The following ASTN2 variants were observed in gnomAD, a reference collection of about 807,000 sequenced individuals.
ASTN2 encodes the protein astrotactin-2.
ASTN2 carries 54 observed loss-of-function variants against 139.8 expected under a neutral mutation model. That is an observed-to-expected ratio of 0.39 (90% CI 0.31 to 0.48). The LOEUF (loss-of-function observed/expected upper bound fraction) is 0.48. Among genes scored for constraint, ASTN2 ranks in the 20% least tolerant of loss-of-function variants. The pLI is 0.95. For missense variants in ASTN2, 1,565 were observed against 1,725.1 expected, an observed-to-expected ratio of 0.91 and a Z score of 1.64; for synonymous variants, 756 against 719.5, an observed-to-expected ratio of 1.05 and a Z score of -0.81.
chr9:116,454,513 A>G lies in ASTN2; in HGVS notation c.3498-11960T>C, dbSNP rs10983166. Among the ~76,000 whole-genome samples the G allele has an allele frequency of 0.013, 1,979 of 152,284 alleles. 182 individuals are homozygous for G. The South Asian group carries it at 0.21, about 16-fold the overall frequency. ...GGTGATTCCTCAAGGATCTAGAACT[A>G]GAAATACCATTTGACCCAGCCATCC... On this transcript the variant is annotated intron_variant, in intron 20 of 22. Transcript: ENST00000313400.
intron 13 of ASTN2, among the ~76,000 whole-genome samples, chr9:116,775,522 GAAAAGA>G (rs1830059268): frequency 9.9e-6 from 1 of 100,542 alleles, no homozygotes; most frequent in African/African-American, 3.9e-5. Flanking sequence ...AGGAAGGAAG[GAAAAGA>G]AAGGGGGCAG....
rs576283385 is a variant in ASTN2, at chr9:117,408,769, C to T, written c.442+5728G>A. Among the ~76,000 whole-genome samples the T allele has an allele frequency of 2.6e-5, 4 of 152,248 alleles. No homozygotes were observed. In the East Asian group the frequency reaches 7.7e-4, roughly 29 times the overall value. ...CCACCTTGACCAAATCTAAGCCTTGCTAATGGTTGAAATGAGCTCTCCCCT... is the reference window on the plus strand; with the variant it reads ...CCACCTTGACCAAATCTAAGCCTTGTTAATGGTTGAAATGAGCTCTCCCCT... On this transcript the variant is annotated intron_variant, in intron 1 of 22. Transcript: ENST00000313400.
chr9:116,662,695 C>A (rs746515613), intron 16 of ASTN2, among the ~76,000 whole-genome samples: 2 of 152,058 alleles, frequency 1.3e-5, no homozygotes, highest in Non-Finnish European at 2.9e-5. Flanking sequence ...ATTTTTAATG[C>A]AGTTTTGCTT....
At chr9:116,573,555 T>C (rs1285514240) in intron 19 of ASTN2, among the ~76,000 whole-genome samples, 1 of 152,208 alleles carries the variant, frequency 6.6e-6, no homozygotes, top group South Asian at 2.1e-4. Context: ...AATTTACACA[T>C]GGGCAAAGCA....
chr9:116,604,844 A>C (rs1855103847), intron 19 of ASTN2, among the ~76,000 whole-genome samples: 1 of 152,130 alleles, frequency 6.6e-6, no homozygotes, highest in Admixed American at 6.5e-5. Context: ...GTGTCTTTTC[A>C]GTTGTAGATT....
At chr9:117,367,606 T>C (rs1829878230) in intron 1 of ASTN2, among the ~76,000 whole-genome samples, 1 of 152,160 alleles carries the variant, frequency 6.6e-6, no homozygotes, top group Non-Finnish European at 1.5e-5. Context: ...CTTCAGACGG[T>C]AAGCTCCTAA....
In ASTN2 at chr9:116,424,999, G is replaced by A. The variant is rs1028648070; in HGVS notation, c.*852C>T. Among the ~76,000 whole-genome samples the A allele has an allele frequency of 1.3e-5, 2 of 152,072 alleles. No homozygotes were observed. The highest frequency in any genetic ancestry group is 4.8e-5 in the African/African-American group (2 of 41,412). ...TCAGGAGCCCTCCAGTGTGTCTCAT[G>A]CTCTAACAGTGAGTGCAAAGAACCT... On this transcript the variant is annotated 3_prime_UTR_variant, in exon 23 of 23. Coordinates refer to ENST00000313400, the MANE Select transcript of ASTN2 (RefSeq NM_001365068.1).
At chr9:116,992,914 C>T (rs1482751192) in intron 7 of ASTN2, among the ~76,000 whole-genome samples, 1 of 152,166 alleles carries the variant, frequency 6.6e-6, no homozygotes, top group Admixed American at 6.5e-5. Context: ...CTGAATGCTT[C>T]TTTCTGCCTT....
chr9:116,840,017 C>A (rs997505677), intron 11 of ASTN2, among the ~76,000 whole-genome samples: 6 of 147,826 alleles, frequency 4.1e-5, no homozygotes, highest in African/African-American at 1.5e-4. Context: ...GGCAGAGGAC[C>A]CTGCAGCCTT....
intron 2 of ASTN2, among the ~76,000 whole-genome samples, chr9:117,250,980 G>A (rs1292139204): frequency 2.0e-5 from 3 of 152,220 alleles, no homozygotes; most frequent in African/African-American, 7.2e-5. Flanking sequence ...AAGGCTGCAA[G>A]TAGTTCAGAA....
chr9:116,792,112 C>G (rs945688088), intron 13 of ASTN2, among the ~76,000 whole-genome samples: 7 of 152,084 alleles, frequency 4.6e-5, no homozygotes, highest in Admixed American at 4.6e-4. Context: ...ACCATAAATA[C>G]GGGGAAAGAT....
intron 10 of ASTN2, among the ~76,000 whole-genome samples, chr9:116,974,500 C>T (rs1052111902): frequency 5.5e-5 from 8 of 145,078 alleles, no homozygotes; most frequent in South Asian, 4.3e-4. Flanking sequence ...AAAGATTTAG[C>T]CTGGACTTTT....
chr9:117,095,749 T>C (rs1828824696), intron 5 of ASTN2, among the ~76,000 whole-genome samples: 2 of 152,228 alleles, frequency 1.3e-5, no homozygotes, highest in African/African-American at 4.8e-5. Context: ...TTCATATTAA[T>C]ATGATTAGTT....
chr9:116,495,375 G>T lies in ASTN2; in HGVS notation c.3356-7875C>A, dbSNP rs953683886. Among the ~76,000 whole-genome samples, 7 of 152,116 alleles carry T rather than the reference G, an allele frequency of 4.6e-5. No individual in the cohort carries two copies. In the East Asian group the frequency reaches 1.3e-3, roughly 29 times the overall value. ...GGCCCCTTTTATCCTTCAGAGACTG[G>T]CATGTGATCGATGGCCAGCCATTTC... On this transcript the variant is annotated intron_variant, in intron 19 of 22. Transcript: ENST00000313400.
At chr9:116,522,491 C>T (rs552301150) in intron 19 of ASTN2, among the ~76,000 whole-genome samples, 1 of 151,956 alleles carries the variant, frequency 6.6e-6, no homozygotes, top group Non-Finnish European at 1.5e-5. Context: ...AAGAATGATA[C>T]ATTGGACTTT....
intron 19 of ASTN2, among the ~76,000 whole-genome samples, chr9:116,497,035 C>A (rs1017235724): frequency 6.6e-6 from 1 of 152,154 alleles, no homozygotes; most frequent in African/African-American, 2.4e-5. Flanking sequence ...AGTGTTATTT[C>A]CCCACACTTT....
chr9:117,053,631 T>C (rs1256873327), intron 5 of ASTN2, among the ~76,000 whole-genome samples: 2 of 152,204 alleles, frequency 1.3e-5, no homozygotes, highest in African/African-American at 4.8e-5. Context: ...CAGTTCTCAC[T>C]GGAGTTTGTT....
chr9:117,234,657 G>T (rs1002538068), intron 2 of ASTN2, among the ~76,000 whole-genome samples: 2 of 152,200 alleles, frequency 1.3e-5, no homozygotes, highest in African/African-American at 4.8e-5. Context: ...TCTAAATGGA[G>T]GTTGGGGGTC....
intron 7 of ASTN2, among the ~76,000 whole-genome samples, chr9:117,003,953 C>CACGT (rs1554768387): frequency 3.4e-5 from 5 of 146,226 alleles, no homozygotes; most frequent in African/African-American, 1.3e-4. Context: ...CGCGCGCGCG[C>CACGT]GTGTGTGTGT....
Sources: gnomAD v4.1 joint callset for allele counts (sites outside exome capture counted in the v4.1 genomes callset) on GRCh38, gnomAD v4.1.1 for gene constraint, MANE v1.5 for transcripts, NCBI Gene and HGNC (gene_info 2026-07-23, HGNC 2026-07-21) for gene names.